The following PGM5 variants were observed in gnomAD, a reference collection of about 807,000 sequenced individuals.
The protein encoded by PGM5 is phosphoglucomutase-like protein 5.
PGM5 carries 23 observed loss-of-function variants against 59.2 expected under a neutral mutation model. The ratio of observed to expected loss-of-function variants is 0.39; its 90% confidence interval spans 0.28 to 0.55. PGM5 has a LOEUF of 0.55. Ranked by LOEUF, PGM5 falls within the 20% of genes least tolerant of loss-of-function variation. The probability of loss-of-function intolerance (pLI) is 0.66; values close to 1 mark genes in which losing one functional copy is unlikely to be tolerated. For missense variants in PGM5, 574 were observed against 748.3 expected (o/e 0.77, Z 2.72); for synonymous variants, 214 against 286.0 (o/e 0.75, Z 2.54).
intron 6 of PGM5, among the ~76,000 whole-genome samples, chr9:68,408,308 G>T (rs1554681315): frequency 6.6e-6 from 1 of 152,242 alleles, no homozygotes; most frequent in East Asian, 1.9e-4. Context: ...ATGCCATTGA[G>T]CCAAGGTGGG....
At chr9:68,396,977 C>T (rs1414102596) in intron 6 of PGM5, 4 of 152,550 alleles carry the variant, frequency 2.6e-5, no homozygotes, top group Non-Finnish European at 5.9e-5. Flanking sequence ...TTCAGACAAA[C>T]TTTCATTGTT....
chr9:68,397,508 G>A (rs1822541537), intron 6 of PGM5: 1 of 152,186 alleles, frequency 6.6e-6, no homozygotes, highest in Non-Finnish European at 1.5e-5. Context: ...AAACAGGGTG[G>A]TGAATGGATT....
At chr9:68,460,068 A>C (rs1479445076) in intron 6 of PGM5, among the ~76,000 whole-genome samples, 2 of 152,170 alleles carry the variant, frequency 1.3e-5, no homozygotes, top group Non-Finnish European at 2.9e-5. Context: ...AGAGGAATGG[A>C]AGAGAGACCT....
chr9:68,526,940 C>G (rs1004521137), intron 10 of PGM5, among the ~76,000 whole-genome samples: 2 of 152,168 alleles, frequency 1.3e-5, no homozygotes, highest in African/African-American at 2.4e-5. Context: ...ATATTGGGAA[C>G]AAACTTAACT....
intron 6 of PGM5, among the ~76,000 whole-genome samples, chr9:68,459,135 T>TA (rs1321732552): frequency 6.6e-6 from 1 of 152,230 alleles, no homozygotes; most frequent in Admixed American, 6.5e-5. Flanking sequence ...TGGGATTGTG[T>TA]AAACATCACT....
At chr9:68,495,461 T>G (rs144543377) in intron 9 of PGM5, among the ~76,000 whole-genome samples, 1 of 152,252 alleles carries the variant, frequency 6.6e-6, no homozygotes, top group East Asian at 1.9e-4. Flanking sequence ...GAATACAAGT[T>G]CCTTAGGGAA....
chr9:68,457,878 T>C (rs138683091), intron 6 of PGM5, among the ~76,000 whole-genome samples: 82 of 152,116 alleles, frequency 5.4e-4, no homozygotes, highest in African/African-American at 1.5e-3. Flanking sequence ...AACAAACAGA[T>C]AAGAAGATGA....
At chr9:68,481,729 G>C (rs1339428282) in intron 8 of PGM5, among the ~76,000 whole-genome samples, 2 of 152,176 alleles carry the variant, frequency 1.3e-5, no homozygotes, top group African/African-American at 2.4e-5. Flanking sequence ...TACCATATTT[G>C]AAAATAATAT....
At chr9:68,487,380 C>A (rs1211759608) in intron 9 of PGM5, among the ~76,000 whole-genome samples, 1 of 151,516 alleles carries the variant, frequency 6.6e-6, no homozygotes, top group Non-Finnish European at 1.5e-5. Flanking sequence ...TCCCCTTGAC[C>A]AGAATCCTTA....
At chr9:68,414,121 C>T (rs1309809778) in intron 6 of PGM5, among the ~76,000 whole-genome samples, 1 of 152,216 alleles carries the variant, frequency 6.6e-6, no homozygotes, top group Non-Finnish European at 1.5e-5. Context: ...CATGTGATCT[C>T]TGCACATGCC....
intron 1 of PGM5, among the ~76,000 whole-genome samples, chr9:68,367,452 C>G (rs1834701347): frequency 6.6e-6 from 1 of 152,202 alleles, no homozygotes; most frequent in Non-Finnish European, 1.5e-5. Flanking sequence ...CCACGCTAAT[C>G]TGCTGAGTCG....
chr9:68,519,662 T>A lies in PGM5; in HGVS notation c.1615-9905T>A, dbSNP rs201979720. ...AACTTAAAGTATAATAAAAAAAAAT[T>A]AAAAAAAAAAAGAAAAACAGCTAGG... is the stretch of plus-strand genomic sequence containing the variant. On this transcript the variant is annotated intron_variant, in intron 10 of 10. Coordinates refer to ENST00000396396, the MANE Select transcript of PGM5 (RefSeq NM_021965.4). 5.7e-5 allele frequency among the ~76,000 whole-genome samples: 8 copies of A among 140,918 alleles called. No homozygotes were observed. The South Asian group carries it at 1.6e-3, about 29-fold the overall frequency. The allele number at this position is 140,918 out of a possible 152,430, so 92.4% of individuals were successfully genotyped here.
At chr9:68,382,974 T>C in intron 2 of PGM5, among the ~76,000 whole-genome samples, 1 of 152,062 alleles carries the variant, frequency 6.6e-6, no homozygotes, top group African/African-American at 2.4e-5. Context: ...CATTCTATAA[T>C]CTGGCAAGCA....
intron 6 of PGM5, among the ~76,000 whole-genome samples, chr9:68,395,194 T>C (rs1164395909): frequency 6.6e-6 from 1 of 152,124 alleles, no homozygotes; most frequent in Non-Finnish European, 1.5e-5. Context: ...TTCACTTATT[T>C]CCCTTATCCA....
chr9:68,510,519 A>G (rs1433704128), intron 10 of PGM5, among the ~76,000 whole-genome samples: 1 of 152,136 alleles, frequency 6.6e-6, no homozygotes, highest in Non-Finnish European at 1.5e-5. Context: ...GGGCAACTTA[A>G]TATCAGTCAA....
At chr9:68,473,801 C>T (rs1554686437) in intron 7 of PGM5, among the ~76,000 whole-genome samples, 1 of 152,074 alleles carries the variant, frequency 6.6e-6, no homozygotes, top group African/African-American at 2.4e-5. Flanking sequence ...ATAAGTTGGT[C>T]ACTCCAAAGC....
chr9:68,517,017 A>G (rs1444587844), intron 10 of PGM5, among the ~76,000 whole-genome samples: 1 of 150,216 alleles, frequency 6.7e-6, no homozygotes, highest in East Asian at 1.9e-4. Flanking sequence ...GACTACAGGC[A>G]TGCACCACCA....
At chr9:68,490,371 G>A (rs907167610) in intron 9 of PGM5, among the ~76,000 whole-genome samples, 6 of 152,024 alleles carry the variant, frequency 3.9e-5, no homozygotes, top group African/African-American at 7.3e-5. Flanking sequence ...TTTTTGAGAC[G>A]GAGTCTCGCT....
chr9:68,399,732 G>A (rs1168162330), intron 6 of PGM5, among the ~76,000 whole-genome samples: 28 of 151,816 alleles, frequency 1.8e-4, no homozygotes, highest in Non-Finnish European at 4.1e-4. Flanking sequence ...TCAGTTTTAG[G>A]CACTTCTAAT....
Sources: allele counts gnomAD v4.1 joint callset (sites outside exome capture counted in the v4.1 genomes callset), GRCh38; gene constraint gnomAD v4.1.1; transcripts MANE v1.5; gene names NCBI Gene and HGNC (gene_info 2026-07-23, HGNC 2026-07-21).